DOCK3: variants seen among roughly 807,000 people sequenced by gnomAD.
DOCK3 encodes the protein dedicator of cytokinesis protein 3.
DOCK3 carries 60 observed loss-of-function variants against 265.6 expected under a neutral mutation model. That is an observed-to-expected ratio of 0.23 (90% CI 0.18 to 0.28). The LOEUF (loss-of-function observed/expected upper bound fraction) is 0.28, where lower values mean the gene tolerates loss of function less well. DOCK3 is among the 10% of genes least tolerant of loss of function. The probability of loss-of-function intolerance (pLI) is 1.00; values close to 1 mark genes in which losing one functional copy is unlikely to be tolerated. For synonymous variants in DOCK3, 881 were observed against 938.0 expected (o/e 0.94, Z 1.11); for missense variants, 1,981 against 2,594.3 (o/e 0.76, Z 5.14).
intron 5 of DOCK3, among the ~76,000 whole-genome samples, chr3:51,006,892 C>T (rs1030745022): frequency 4.6e-5 from 7 of 152,098 alleles, no homozygotes; most frequent in African/African-American, 7.2e-5. Flanking sequence ...TCTGTCCTTG[C>T]GATAGTTTGC....
chr3:50,782,381 C>G (rs1446093646), intron 2 of DOCK3, among the ~76,000 whole-genome samples: 1 of 148,926 alleles, frequency 6.7e-6, no homozygotes, highest in Non-Finnish European at 1.5e-5. Context: ...AGCTCCGCCT[C>G]CCGGGTTCAC....
At chr3:50,982,761 A>G (rs2077739880) in intron 5 of DOCK3, among the ~76,000 whole-genome samples, 1 of 152,024 alleles carries the variant, frequency 6.6e-6, no homozygotes, top group Non-Finnish European at 1.5e-5. Flanking sequence ...GCCAGTGGAG[A>G]CGCAGTGTGG....
At chr3:50,948,612 TC>T (rs2076506551) in intron 5 of DOCK3, among the ~76,000 whole-genome samples, 1 of 150,980 alleles carries the variant, frequency 6.6e-6, no homozygotes, top group Admixed American at 6.6e-5. Flanking sequence ...TCTTTTCTTT[TC>T]TTTTCCTTTT....
chr3:51,232,232 C>T (rs754178106), intron 19 of DOCK3, among the ~76,000 whole-genome samples: 6 of 152,092 alleles, frequency 3.9e-5, no homozygotes, highest in Non-Finnish European at 8.8e-5. Context: ...ACCTATCACC[C>T]AAGCAGTGTA....
chr3:51,360,183 G>A (rs906480715), intron 46 of DOCK3, among the ~76,000 whole-genome samples: 9 of 152,154 alleles, frequency 5.9e-5, no homozygotes, highest in African/African-American at 2.2e-4. Flanking sequence ...CCCAGATCTT[G>A]TTCTACTTAT....
intron 9 of DOCK3, among the ~76,000 whole-genome samples, chr3:51,090,909 A>G (rs2082613463): frequency 6.6e-6 from 1 of 152,196 alleles, no homozygotes; most frequent in Non-Finnish European, 1.5e-5. Flanking sequence ...TTGCTTTAGT[A>G]CTTAAAATTC....
In DOCK3 at chr3:50,984,155, G is replaced by A. The variant is rs553836714; in HGVS notation, c.315+50078G>A. Reference sequence around the variant, plus strand: ...TCCAGGCCAGTTGCATGAGCCAAGCGCAGCCTGCCAGGCTGAGTGGCAGAA... The same window carrying A: ...TCCAGGCCAGTTGCATGAGCCAAGCACAGCCTGCCAGGCTGAGTGGCAGAA... On this transcript the variant is annotated intron_variant, in intron 5 of 52. Coordinates refer to ENST00000266037, the MANE Select transcript of DOCK3 (RefSeq NM_004947.5). 3.3e-5 allele frequency among the ~76,000 whole-genome samples: 5 copies of A among 152,280 alleles called. 1 individual carries two copies. The South Asian group carries it at 6.2e-4, about 19-fold the overall frequency.
At chr3:51,041,159 A>AATGTGT in intron 5 of DOCK3, among the ~76,000 whole-genome samples, 1 of 73,846 alleles carries the variant, frequency 1.4e-5, no homozygotes, top group Non-Finnish European at 2.7e-5. Context: ...AGCCTTACAA[A>AATGTGT]ATGTATATAT....
At chr3:51,032,283 G>A (rs955907840) in intron 5 of DOCK3, among the ~76,000 whole-genome samples, 3 of 152,114 alleles carry the variant, frequency 2.0e-5, no homozygotes, top group African/African-American at 7.2e-5. Context: ...GCTTACTTTA[G>A]TAGTCTTAGT....
chr3:51,140,319 A>G (rs985320289), intron 9 of DOCK3, among the ~76,000 whole-genome samples: 84 of 152,184 alleles, frequency 5.5e-4, no homozygotes, highest in African/African-American at 2.0e-3. Context: ...AGATTTGCCT[A>G]TTGTAGACGT....
chr3:51,273,699 T>G (rs2080643560), intron 24 of DOCK3, among the ~76,000 whole-genome samples: 1 of 152,250 alleles, frequency 6.6e-6, no homozygotes, highest in South Asian at 2.1e-4. Flanking sequence ...ATATGTCATG[T>G]ACTTTGTCTT....
chr3:50,732,049 A>C (rs904756867), intron 1 of DOCK3, among the ~76,000 whole-genome samples: 2 of 152,142 alleles, frequency 1.3e-5, no homozygotes, highest in Non-Finnish European at 2.9e-5. Context: ...AAAAAAAAAA[A>C]AACAATGTCC....
At chr3:50,790,182 A>AGG (rs2108596457) in intron 2 of DOCK3, among the ~76,000 whole-genome samples, 2 of 152,052 alleles carry the variant, frequency 1.3e-5, no homozygotes, top group African/African-American at 4.8e-5. Flanking sequence ...TTTTACCTTA[A>AGG]GTTTATATGA....
At chr3:50,857,194 G>A (rs1469660135) in intron 3 of DOCK3, among the ~76,000 whole-genome samples, 1 of 152,118 alleles carries the variant, frequency 6.6e-6, no homozygotes, top group Non-Finnish European at 1.5e-5. Flanking sequence ...TAGTAGAAGA[G>A]TTAGGAAGGA....
At chr3:50,679,064 C>T (rs1009175502) in intron 1 of DOCK3, among the ~76,000 whole-genome samples, 3 of 152,232 alleles carry the variant, frequency 2.0e-5, no homozygotes, top group Non-Finnish European at 2.9e-5. Context: ...CCGCTCGCCT[C>T]GGCCTCCCGA....
In DOCK3 at chr3:51,280,101, C is replaced by T. The variant is rs1342348214; in HGVS notation, c.2824-5C>T. ...TGCTAAGTGTTTTTTTGGGTTGGTC[C>T]CTAGGGCGAGTATGTGTCCTGCCTT... On this transcript the variant is annotated splice_polypyrimidine_tract_variant and splice_region_variant and intron_variant, in intron 26 of 52. Coordinates refer to ENST00000266037, the MANE Select transcript of DOCK3 (RefSeq NM_004947.5). The T allele has an allele frequency of 6.2e-7, 1 of 1,613,028 alleles. No homozygotes were observed. Among genetic ancestry groups the T allele is most frequent in the Middle Eastern group, 1.7e-4 (1 of 6,054 alleles).
At chr3:50,904,273 T>C (rs2049355354) in intron 4 of DOCK3, among the ~76,000 whole-genome samples, 4 of 152,240 alleles carry the variant, frequency 2.6e-5, no homozygotes. Context: ...TTTGGGTATA[T>C]ACCCAGTAAT....
At chr3:50,854,634 C>T (rs183724853) in intron 3 of DOCK3, among the ~76,000 whole-genome samples, 1 of 95,446 alleles carries the variant, frequency 1.0e-5, no homozygotes, top group African/African-American at 3.9e-5. Flanking sequence ...CACTATGTTG[C>T]TCAGGCTGGT....
At chr3:51,144,998 C>T (rs151066629) in intron 9 of DOCK3, among the ~76,000 whole-genome samples, 4 of 152,168 alleles carry the variant, frequency 2.6e-5, no homozygotes, top group African/African-American at 7.2e-5. Flanking sequence ...GAAGGAGATG[C>T]GAGAGTAAAG....
Sources: allele counts gnomAD v4.1 joint callset (sites outside exome capture counted in the v4.1 genomes callset), GRCh38; gene constraint gnomAD v4.1.1; transcripts MANE v1.5; gene names NCBI Gene and HGNC (gene_info 2026-07-23, HGNC 2026-07-21).